The following ADCY2 variants were observed in gnomAD, a reference collection of about 807,000 sequenced individuals.
The protein encoded by ADCY2 is adenylate cyclase 2.
A neutral mutation model predicts 125.2 loss-of-function variants in ADCY2; 31 were observed. The ratio of observed to expected loss-of-function variants is 0.25; its 90% CI spans 0.19 to 0.33. The LOEUF (loss-of-function observed/expected upper bound fraction) is 0.33. ADCY2 is among the 10% of genes least tolerant of loss of function. ADCY2 has a pLI of 1.00. For missense variants in ADCY2, 904 were observed against 1,418.2 expected (o/e 0.64, Z 5.82); for synonymous variants, 512 against 548.4 (o/e 0.93, Z 0.93).
chr5:7,415,167 A>G (rs1370555890), intron 2 of ADCY2, among the ~76,000 whole-genome samples: 3 of 152,208 alleles, frequency 2.0e-5, no homozygotes, highest in African/African-American at 2.4e-5. Context: ...GCAATTTTGA[A>G]ATATACAATA....
chr5:7,715,443 A>G (rs1212474696), intron 11 of ADCY2, among the ~76,000 whole-genome samples: 1 of 152,202 alleles, frequency 6.6e-6, no homozygotes, highest in Non-Finnish European at 1.5e-5. Context: ...AAGAAGCTCA[A>G]GTCTAGATGT....
chr5:7,634,715 T>G (rs1738434076), intron 4 of ADCY2, among the ~76,000 whole-genome samples: 1 of 152,100 alleles, frequency 6.6e-6, no homozygotes, highest in Admixed American at 6.5e-5. Context: ...TTTTTTTTTT[T>G]TGGCTTGTTA....
At chr5:7,681,054 G>A (rs1226500312) in intron 4 of ADCY2, among the ~76,000 whole-genome samples, 2 of 152,180 alleles carry the variant, frequency 1.3e-5, no homozygotes, top group Admixed American at 6.5e-5. Context: ...TTGAGTTTGA[G>A]CTGCAGTCAT....
intron 2 of ADCY2, among the ~76,000 whole-genome samples, chr5:7,450,111 T>A (rs953107371): frequency 6.6e-6 from 1 of 152,292 alleles, no homozygotes; most frequent in Middle Eastern, 3.4e-3. Flanking sequence ...AAGTGTTCAA[T>A]GCAAGGAAGA....
chr5:7,769,855 A>G (rs1743504685), intron 17 of ADCY2, among the ~76,000 whole-genome samples: 1 of 152,232 alleles, frequency 6.6e-6, no homozygotes, highest in Non-Finnish European at 1.5e-5. Flanking sequence ...GTTGGTTTCA[A>G]TGATTAGGTC....
chr5:7,589,513 A>AGAAAGAAAGAAAG, intron 3 of ADCY2, among the ~76,000 whole-genome samples: 1 of 103,342 alleles, frequency 9.7e-6, no homozygotes, highest in Non-Finnish European at 2.3e-5. Context: ...AAAGAAAGAA[A>AGAAAGAAAGAAAG]AGAAAAGAAA....
intron 11 of ADCY2, among the ~76,000 whole-genome samples, chr5:7,714,551 C>T (rs1269013754): frequency 1.3e-5 from 2 of 152,244 alleles, no homozygotes; most frequent in Non-Finnish European, 2.9e-5. Flanking sequence ...AGCTGAGGCA[C>T]AAAGGGATAG....
chr5:7,695,890 C>G, intron 6 of ADCY2, 27 bp downstream of exon 6: 1 of 1,497,608 alleles, frequency 6.7e-7, no homozygotes, highest in African/African-American at 1.4e-5. Context: ...CTTTTCTTCT[C>G]TGAAGATTTC....
rs958525094 is a variant in ADCY2 at position 7,724,670 on chromosome 5, T to A, written c.1773+56T>A. The A allele has an allele frequency of 1.7e-5, 22 of 1,284,336 alleles. No individual in the cohort carries two copies. In the Admixed American group the frequency reaches 4.5e-4, roughly 26 times the overall value. 79.6% of individuals were successfully genotyped at this position (1,284,336 alleles called of 1,614,324 possible). A position where few individuals can be genotyped will look rare whatever the true frequency, so the allele number is the denominator to read the frequency against. Reference sequence around the variant, plus strand: ...TCGAGTTTTCTGAAATTTGAATTTCTTCATGAAATTGTGCTCATGTTTTTT... The same window carrying A: ...TCGAGTTTTCTGAAATTTGAATTTCATCATGAAATTGTGCTCATGTTTTTT... On this transcript the variant is annotated intron_variant, in intron 13 of 24. Coordinates refer to ENST00000338316, the MANE Select transcript of ADCY2 (RefSeq NM_020546.3).
chr5:7,768,256 A>G (rs1007861236), intron 17 of ADCY2, among the ~76,000 whole-genome samples: 15 of 152,198 alleles, frequency 9.9e-5, no homozygotes, highest in African/African-American at 3.6e-4. Context: ...CTATTTAGTT[A>G]TGTGAAAAGT....
Position 7,396,295 on chromosome 5 carries a change from C to A in ADCY2, c.-2C>A, listed in dbSNP as rs757412839. On this transcript the variant is annotated 5_prime_UTR_variant, in exon 1 of 25. Transcript: ENST00000338316. The surrounding 1 kb of genome is among the most constrained non-coding windows in gnomAD (Gnocchi z 5.7). ...ACGGCGGGCGCCCTGTGAGCGGCCC[C>A]GATGTGGCAGGAGGCGATGCGGCGC... 1.5e-6 allele frequency: 2 copies of A among 1,341,190 alleles called. No homozygotes were observed. The highest frequency in any genetic ancestry group is 3.3e-5 in the South Asian group (2 of 59,794). The allele number at this position is 1,341,190 out of a possible 1,614,324, so 83.1% of individuals were successfully genotyped here. A position where few individuals can be genotyped will look rare whatever the true frequency, so the allele number is the denominator to read the frequency against.
chr5:7,507,296 C>A (rs928044461), intron 2 of ADCY2, among the ~76,000 whole-genome samples: 7 of 144,012 alleles, frequency 4.9e-5, no homozygotes, highest in Non-Finnish European at 7.6e-5. Flanking sequence ...AAAAAATTAG[C>A]CGGGCGTAGT....
intron 2 of ADCY2, among the ~76,000 whole-genome samples, chr5:7,498,492 C>T (rs908654352): frequency 3.3e-5 from 5 of 152,070 alleles, no homozygotes; most frequent in African/African-American, 7.2e-5. Context: ...TCGTGATCCG[C>T]CTGCTTCAGC....
chr5:7,700,719 C>CCACACACACACACA (rs56197160), intron 7 of ADCY2, among the ~76,000 whole-genome samples: 5 of 98,258 alleles, frequency 5.1e-5, no homozygotes, highest in South Asian at 8.4e-4. Flanking sequence ...CTCGCACCCA[C>CCACACACACACACA]CACACACACA....
In ADCY2 at chr5:7,804,596, G is replaced by A; in HGVS notation, c.2787G>A (p.Lys929=). The change falls in exon 22 of 25, where the codon AAG becomes AAA. Residue 929 remains lysine, a synonymous_variant. Transcript: ENST00000338316. The stretch of plus-strand genomic sequence containing the variant: ...TCATTGCTTCACAGCTTCTTTCCAA[G>A]CCAAAATTCAGTGGAGTTGAAAAGA... The part of the protein sequence containing the change: ...IIADFDDLLS[K]PKFSGVEKIK... 1 of 1,614,096 alleles carries A rather than the reference G, an allele frequency of 6.2e-7. No homozygotes were observed. The highest frequency in any genetic ancestry group is 8.5e-7 in the Non-Finnish European group (1 of 1,179,968).
At chr5:7,556,419 G>A (rs1735507926) in intron 3 of ADCY2, among the ~76,000 whole-genome samples, 1 of 152,156 alleles carries the variant, frequency 6.6e-6, no homozygotes, top group African/African-American at 2.4e-5. Context: ...GAATAAATTT[G>A]CATCACAAGA....
At chr5:7,535,109 C>T (rs568492310) in intron 3 of ADCY2, among the ~76,000 whole-genome samples, 14 of 152,298 alleles carry the variant, frequency 9.2e-5, no homozygotes, top group South Asian at 6.2e-4. Flanking sequence ...GGCGCAATCA[C>T]GGCTCACCGC....
chr5:7,670,124 G>C (rs1227314967), intron 4 of ADCY2, among the ~76,000 whole-genome samples: 1 of 152,138 alleles, frequency 6.6e-6, no homozygotes, highest in African/African-American at 2.4e-5. Context: ...TCATTGCCCA[G>C]TATATGAAAA....
At chr5:7,542,536 T>C (rs1207597263) in intron 3 of ADCY2, among the ~76,000 whole-genome samples, 2 of 152,168 alleles carry the variant, frequency 1.3e-5, no homozygotes, top group African/African-American at 4.8e-5. Context: ...CAAAGTGTAG[T>C]GCATTTATGT....
Sources: gnomAD v4.1 joint callset for allele counts (sites outside exome capture counted in the v4.1 genomes callset) on GRCh38, gnomAD v4.1.1 for gene constraint, Gnocchi (gnomAD v3.1) non-coding constraint, MANE v1.5 for transcripts, NCBI Gene and HGNC (gene_info 2026-07-23, HGNC 2026-07-21) for gene names.